Variants in SORCS2 observed in about 807,000 individuals in gnomAD.
The protein encoded by SORCS2 is VPS10 domain-containing receptor SorCS2.
Under a neutral mutation model 141.6 loss-of-function variants are expected in SORCS2, and 100 were observed. That is an observed-to-expected ratio of 0.71 (90% CI 0.60 to 0.83). SORCS2 has a LOEUF of 0.83. SORCS2 is among the 40% of genes least tolerant of loss of function. The probability of loss-of-function intolerance (pLI) is 0.00; values close to 1 mark genes in which losing one functional copy is unlikely to be tolerated. For missense variants in SORCS2, 1,646 were observed against 1,560.2 expected (o/e 1.05, Z -0.93); for synonymous variants, 789 against 676.9 (o/e 1.17, Z -2.57).
chr4:7,457,606 T>G (rs1278530477), intron 2 of SORCS2, among the ~76,000 whole-genome samples: 2 of 150,158 alleles, frequency 1.3e-5, no homozygotes, highest in African/African-American at 5.0e-5. Context: ...CCAGGGAGTG[T>G]GCCCTAGTGA....
At chr4:7,361,005 C>T (rs1721549731) in intron 1 of SORCS2, among the ~76,000 whole-genome samples, 1 of 152,026 alleles carries the variant, frequency 6.6e-6, no homozygotes, top group Non-Finnish European at 1.5e-5. Context: ...CCCCTTGCAA[C>T]TGGAAGCTCC....
At chr4:7,665,616 A>G (rs1249166368) in intron 7 of SORCS2, among the ~76,000 whole-genome samples, 1 of 151,944 alleles carries the variant, frequency 6.6e-6, no homozygotes, top group East Asian at 1.9e-4. Flanking sequence ...GCCTTCCTCC[A>G]TCACAGTCCA....
chr4:7,267,937 A>C (rs1714858781), intron 1 of SORCS2, among the ~76,000 whole-genome samples: 4 of 152,246 alleles, frequency 2.6e-5, no homozygotes, highest in Admixed American at 2.6e-4. Context: ...TGACAATGGC[A>C]CAGGTAGGTG....
chr4:7,685,115 G>A (rs1723795497), intron 10 of SORCS2, among the ~76,000 whole-genome samples: 1 of 152,194 alleles, frequency 6.6e-6, no homozygotes, highest in Non-Finnish European at 1.5e-5. Context: ...GCTGTGAAAG[G>A]GCTAATTTTT....
At chr4:7,211,904 T>C (rs1728081817) in intron 1 of SORCS2, among the ~76,000 whole-genome samples, 1 of 152,122 alleles carries the variant, frequency 6.6e-6, no homozygotes, top group African/African-American at 2.4e-5. Flanking sequence ...GAAAATGCCA[T>C]AGAAGTGTTT....
In SORCS2 at chr4:7,434,581, C is replaced by T. The variant is rs1405186278; in HGVS notation, c.548+38226C>T. 3.1e-6 allele frequency: 5 copies of T among 1,613,336 alleles called. No homozygotes were observed. The South Asian group carries it at 5.5e-5, about 18-fold the overall frequency. ...CTTGCATCCGGCTGAAGACTCCTGG[C>T]TGGGGAGCCACTCACAGGTCTTCAT... On this transcript the variant is annotated intron_variant, in intron 2 of 26. Transcript: ENST00000507866.
chr4:7,271,626 G>A (rs1193850522), intron 1 of SORCS2, among the ~76,000 whole-genome samples: 1 of 152,190 alleles, frequency 6.6e-6, no homozygotes, highest in Non-Finnish European at 1.5e-5. Flanking sequence ...TCATCATCCT[G>A]TCCATCTTGT....
In SORCS2 at chr4:7,389,114, G is replaced by T. The variant is rs149412239; in HGVS notation, c.481-7174G>T. 4.8e-3 allele frequency among the ~76,000 whole-genome samples: 724 copies of T among 152,276 alleles called. 9 individuals carry two copies. The highest frequency in any genetic ancestry group is 0.016 in the African/African-American group (674 of 41,548). On this transcript the variant is annotated intron_variant, in intron 1 of 26. Transcript: ENST00000507866. ...GTGTGGAGGTCTTGGAAAGCGGCTT[G>T]TTGGTGAACAAATTCTGTTCCTGCC...
At chr4:7,708,524 C>T (rs1253926036) in intron 14 of SORCS2, among the ~76,000 whole-genome samples, 1 of 152,172 alleles carries the variant, frequency 6.6e-6, no homozygotes, top group East Asian at 1.9e-4. Context: ...TGCGATGGTG[C>T]TTCTGGGTGG....
At chr4:7,367,347 T>A (rs867473212) in intron 1 of SORCS2, among the ~76,000 whole-genome samples, 12 of 152,208 alleles carry the variant, frequency 7.9e-5, no homozygotes, top group Middle Eastern at 3.2e-3. Flanking sequence ...ATTTGGACCC[T>A]CACAGCCTGG....
At chr4:7,243,901 C>A (rs1220326871) in intron 1 of SORCS2, among the ~76,000 whole-genome samples, 1 of 152,018 alleles carries the variant, frequency 6.6e-6, no homozygotes, top group East Asian at 2.0e-4. Context: ...CTCTCCCTGG[C>A]ACGCAGCAGG....
At chr4:7,382,531 A>G (rs1230452432) in intron 1 of SORCS2, among the ~76,000 whole-genome samples, 2 of 152,178 alleles carry the variant, frequency 1.3e-5, no homozygotes, top group African/African-American at 4.8e-5. Flanking sequence ...TATTGACTCC[A>G]TAGATTGGGT....
chr4:7,299,884 C>T (rs1382313510), intron 1 of SORCS2, among the ~76,000 whole-genome samples: 2 of 152,220 alleles, frequency 1.3e-5, no homozygotes, highest in African/African-American at 2.4e-5. Context: ...CTCCGCTTGT[C>T]CTTCTCCCAG....
In SORCS2 at chr4:7,719,818, T is replaced by C. The variant is rs376199834; in HGVS notation, c.2424+1635T>C. Among the ~76,000 whole-genome samples, 7 of 152,226 alleles carry C rather than the reference T, an allele frequency of 4.6e-5. No homozygotes were observed. The East Asian group carries it at 1.2e-3, about 25-fold the overall frequency. ...CGGAGTGTCTCTATGGGAGCCAGTC[T>C]ACCACCGCCCAGGGGGCCGGGACCC... On this transcript the variant is annotated intron_variant, in intron 18 of 26. Coordinates refer to ENST00000507866, the MANE Select transcript of SORCS2 (RefSeq NM_020777.3).
intron 1 of SORCS2, among the ~76,000 whole-genome samples, chr4:7,253,725 G>A (rs1390667622): frequency 3.3e-5 from 5 of 152,218 alleles, no homozygotes; most frequent in Non-Finnish European, 7.3e-5. Flanking sequence ...GGCCAGGGAG[G>A]ATGTGCTGGC....
intron 3 of SORCS2, among the ~76,000 whole-genome samples, chr4:7,569,538 A>G (rs551105135): frequency 1.3e-5 from 2 of 152,232 alleles, no homozygotes; most frequent in South Asian, 4.2e-4. Context: ...AGAAATATCT[A>G]CAGAAGGAGG....
At chr4:7,514,200 A>G (rs1369054505) in intron 2 of SORCS2, among the ~76,000 whole-genome samples, 2 of 152,164 alleles carry the variant, frequency 1.3e-5, no homozygotes, top group African/African-American at 4.8e-5. Flanking sequence ...GGCCACAGCT[A>G]TGGCCACCTG....
At chr4:7,456,203 C>T (rs1372412467) in intron 2 of SORCS2, among the ~76,000 whole-genome samples, 1 of 152,156 alleles carries the variant, frequency 6.6e-6, no homozygotes, top group Non-Finnish European at 1.5e-5. Context: ...CTTTAAATGT[C>T]CTAGTTCCAA....
intron 1 of SORCS2, among the ~76,000 whole-genome samples, chr4:7,326,716 C>A (rs1239102077): frequency 1.3e-5 from 2 of 152,246 alleles, no homozygotes; most frequent in Non-Finnish European, 2.9e-5. Context: ...CTCTTGTCAC[C>A]CTCCCAAGCC....
Sources: gnomAD v4.1 joint callset for allele counts (sites outside exome capture counted in the v4.1 genomes callset) on GRCh38, gnomAD v4.1.1 for gene constraint, MANE v1.5 for transcripts, NCBI Gene and HGNC (gene_info 2026-07-23, HGNC 2026-07-21) for gene names.